The following ZNF804A variants were observed in gnomAD, a reference collection of about 807,000 sequenced individuals.
ZNF804A encodes zinc finger protein 804A.
In ZNF804A, 2 loss-of-function variants were observed where a neutral mutation model predicts 16.5. That is an observed-to-expected ratio of 0.12 (90% confidence interval 0.05 to 0.38). The LOEUF is 0.38. ZNF804A is among the 10% of genes least tolerant of loss of function. The probability of loss-of-function intolerance (pLI) is 0.99; values close to 1 mark genes in which losing one functional copy is unlikely to be tolerated. For synonymous variants in ZNF804A, 534 were observed against 489.6 expected, an observed-to-expected ratio of 1.09 and a Z score of -1.20; for missense variants, 1,473 against 1,390.7, an observed-to-expected ratio of 1.06 and a Z score of -0.94.
At chr2:184,650,597 A>G (rs1339656508) in intron 1 of ZNF804A, among the ~76,000 whole-genome samples, 5 of 152,198 alleles carry the variant, frequency 3.3e-5, no homozygotes, top group African/African-American at 1.2e-4. Flanking sequence ...GAACTGATAA[A>G]TAACTTCAGT....
chr2:184,673,256 G>T (rs1246579952), intron 1 of ZNF804A, among the ~76,000 whole-genome samples: 1 of 152,154 alleles, frequency 6.6e-6, no homozygotes. Context: ...GCTTGTGTTT[G>T]ATATTCAAAT....
chr2:184,610,191 C>T (rs384591), intron 1 of ZNF804A, among the ~76,000 whole-genome samples: 4,777 of 152,222 alleles, frequency 0.031, 255 homozygotes, highest in African/African-American at 0.11. Context: ...AGAGAGTCCC[C>T]GCCAGTAAGA....
intron 1 of ZNF804A, among the ~76,000 whole-genome samples, chr2:184,793,139 G>T (rs1694576349): frequency 6.6e-6 from 1 of 152,060 alleles, no homozygotes; most frequent in Admixed American, 6.6e-5. Flanking sequence ...ATTCCATGGT[G>T]TATATGTACC....
chr2:184,604,866 A>G (rs1691116610), intron 1 of ZNF804A, among the ~76,000 whole-genome samples: 1 of 152,150 alleles, frequency 6.6e-6, no homozygotes, highest in African/African-American at 2.4e-5. Context: ...CAAGTCAAAT[A>G]TCTAGGATCT....
intron 1 of ZNF804A, among the ~76,000 whole-genome samples, chr2:184,727,436 C>T (rs1381020464): frequency 2.6e-5 from 4 of 151,596 alleles, no homozygotes; most frequent in Non-Finnish European, 5.9e-5. Flanking sequence ...ATGAAATGGA[C>T]TCCTACTTCA....
At chr2:184,823,828 G>A (rs1449736711) in intron 1 of ZNF804A, among the ~76,000 whole-genome samples, 3 of 151,984 alleles carry the variant, frequency 2.0e-5, no homozygotes, top group Non-Finnish European at 4.4e-5. Context: ...AGTTTGTTGG[G>A]AAATTACATC....
chr2:184,716,129 G>T (rs1693209485), intron 1 of ZNF804A, among the ~76,000 whole-genome samples: 1 of 151,976 alleles, frequency 6.6e-6, no homozygotes, highest in African/African-American at 2.4e-5. Context: ...TTTAATTTTA[G>T]TAAACAGAAA....
intron 1 of ZNF804A, among the ~76,000 whole-genome samples, chr2:184,828,964 C>T (rs1020206620): frequency 1.3e-5 from 2 of 151,780 alleles, no homozygotes; most frequent in Non-Finnish European, 2.9e-5. Context: ...TTAGCTTTCA[C>T]AGTATACTTC....
At chr2:184,711,557 T>G (rs774496415) in intron 1 of ZNF804A, among the ~76,000 whole-genome samples, 4 of 151,696 alleles carry the variant, frequency 2.6e-5, no homozygotes, top group Non-Finnish European at 4.4e-5. Flanking sequence ...GCACTTTTTA[T>G]GCATATTTTA....
intron 1 of ZNF804A, among the ~76,000 whole-genome samples, chr2:184,614,088 T>A (rs1691282964): frequency 6.6e-6 from 1 of 152,004 alleles, no homozygotes; most frequent in African/African-American, 2.4e-5. Flanking sequence ...AAAACAGATA[T>A]ATAGACTAAT....
At chr2:184,621,160 T>C (rs1416216083) in intron 1 of ZNF804A, among the ~76,000 whole-genome samples, 1 of 151,760 alleles carries the variant, frequency 6.6e-6, no homozygotes, top group African/African-American at 2.4e-5. Flanking sequence ...TTTTTAGTTC[T>C]ATTTTCAAAA....
chr2:184,735,448 G>A (rs1238132613), intron 1 of ZNF804A, among the ~76,000 whole-genome samples: 2 of 152,042 alleles, frequency 1.3e-5, no homozygotes, highest in Non-Finnish European at 2.9e-5. Context: ...GTTTGGGGGT[G>A]GGGTGTTAGG....
chr2:184,644,703 CA>C (rs1691845748), intron 1 of ZNF804A, among the ~76,000 whole-genome samples: 1 of 151,930 alleles, frequency 6.6e-6, no homozygotes, highest in Non-Finnish European at 1.5e-5. Context: ...GAAAGCATTA[CA>C]AGGCATGAAG....
At chr2:184,746,434 GT>G (rs145900262) in intron 1 of ZNF804A, among the ~76,000 whole-genome samples, 7,825 of 151,464 alleles carry the variant, frequency 0.052, 263 homozygotes, top group Middle Eastern at 0.078. Context: ...CATAGTAGGT[GT>G]ATATATTTAT....
At chr2:184,791,303 A>C (rs1426513304) in intron 1 of ZNF804A, among the ~76,000 whole-genome samples, 2 of 152,140 alleles carry the variant, frequency 1.3e-5, no homozygotes, top group East Asian at 3.9e-4. Context: ...GATGGTGACT[A>C]TCAGCCTTTC....
chr2:184,747,780 G>A (rs941360789), intron 1 of ZNF804A, among the ~76,000 whole-genome samples: 1 of 150,924 alleles, frequency 6.6e-6, no homozygotes, highest in African/African-American at 2.4e-5. Flanking sequence ...GTACCCAATA[G>A]GTAGTTTCTC....
chr2:184,801,811 T>C (rs931224130), intron 1 of ZNF804A, among the ~76,000 whole-genome samples: 3 of 152,224 alleles, frequency 2.0e-5, no homozygotes, highest in Admixed American at 1.3e-4. Context: ...GCTTTGTCTC[T>C]TCAGAGTGTA....
At chr2:184,866,307 C>A in intron 1 of ZNF804A, 62 bp from the exon 2 acceptor site, 1 of 1,548,758 alleles carries the variant, frequency 6.5e-7, no homozygotes, top group Non-Finnish European at 8.9e-7. Context: ...TTGACAACTG[C>A]TAAAACAAAG....
chr2:184,868,394 C>T (rs1270952221), intron 2 of ZNF804A, among the ~76,000 whole-genome samples: 1 of 151,968 alleles, frequency 6.6e-6, no homozygotes, highest in Non-Finnish European at 1.5e-5. Context: ...TATACTTCTA[C>T]CACATGACTC....
Sources: gnomAD v4.1 joint callset for allele counts (sites outside exome capture counted in the v4.1 genomes callset) on GRCh38, gnomAD v4.1.1 for gene constraint, MANE v1.5 for transcripts, NCBI Gene and HGNC (gene_info 2026-07-23, HGNC 2026-07-21) for gene names.